The following NMT2 variants were observed in gnomAD, a reference collection of about 807,000 sequenced individuals.
The protein encoded by NMT2 is N-myristoyltransferase 2, also known as glycylpeptide N-tetradecanoyltransferase 2.
A neutral mutation model predicts 65.4 loss-of-function variants in NMT2; 35 were observed. The ratio of observed to expected loss-of-function variants is 0.54; its 90% CI spans 0.41 to 0.71. The LOEUF (loss-of-function observed/expected upper bound fraction) is 0.71. Ranked by LOEUF, NMT2 falls within the 30% of genes least tolerant of loss-of-function variation. The pLI, the probability that NMT2 is intolerant of heterozygous loss-of-function variation, is 0.00. For missense variants in NMT2, 489 were observed against 611.3 expected (o/e 0.80, Z 2.11); for synonymous variants, 226 against 231.8 (o/e 0.98, Z 0.23).
intron 1 of NMT2, among the ~76,000 whole-genome samples, chr10:15,162,731 A>G (rs1175539036): frequency 6.7e-6 from 1 of 149,930 alleles, no homozygotes; most frequent in Non-Finnish European, 1.5e-5. Flanking sequence ...ACTCTACCTT[A>G]TATACCTTAT....
chr10:15,145,402 CAG>C (rs1846927751), intron 1 of NMT2, among the ~76,000 whole-genome samples: 1 of 152,142 alleles, frequency 6.6e-6, no homozygotes, highest in South Asian at 2.1e-4. Context: ...GTATTTGAGA[CAG>C]AGTCTCACTT....
chr10:15,158,641 G>C (rs1360155820), intron 1 of NMT2, among the ~76,000 whole-genome samples: 23 of 152,224 alleles, frequency 1.5e-4, no homozygotes, highest in Admixed American at 1.5e-3. Flanking sequence ...CAATCTACCT[G>C]TGAGTAGACA....
At position 15,107,599 on chromosome 10, in the gene NMT2, C is replaced by G. The variant is rs941967694; in HGVS notation, c.*1596G>C. On this transcript the variant is annotated 3_prime_UTR_variant, in exon 12 of 12. Transcript: ENST00000378165. Reference sequence around the variant, plus strand: ...TCCTAGCAGCTGGGATTACAGGCACCCGCCACCACACCCAGCTAGTTCTTT... The same window carrying G: ...TCCTAGCAGCTGGGATTACAGGCACGCGCCACCACACCCAGCTAGTTCTTT... 2.4e-6 allele frequency: 1 copy of G among 418,750 alleles called. No individual in the cohort carries two copies. Among genetic ancestry groups the G allele is most frequent in the African/African-American group, 2.2e-5 (1 of 46,084 alleles). 25.9% of individuals were successfully genotyped at this position (418,750 alleles called of 1,614,324 possible).
chr10:15,112,216 A>T (rs11259492), intron 10 of NMT2, among the ~76,000 whole-genome samples: 69 of 12,248 alleles, frequency 5.6e-3, no homozygotes, highest in South Asian at 0.016. Flanking sequence ...ATATATATAT[A>T]TTTTTTTTTT....
intron 1 of NMT2, among the ~76,000 whole-genome samples, chr10:15,151,807 C>A (rs998139983): frequency 6.6e-6 from 1 of 151,578 alleles, no homozygotes; most frequent in African/African-American, 2.4e-5. Context: ...GGTGGATCAC[C>A]TAAGGTCAGG....
At chr10:15,165,159 A>G (rs1222425646) in intron 1 of NMT2, among the ~76,000 whole-genome samples, 1 of 146,368 alleles carries the variant, frequency 6.8e-6, no homozygotes, top group Admixed American at 6.7e-5. Context: ...GCAAAACTCC[A>G]TCTCAAAAAA....
intron 1 of NMT2, among the ~76,000 whole-genome samples, chr10:15,153,658 AT>A (rs1313853440): frequency 3.4e-5 from 5 of 149,002 alleles, no homozygotes; most frequent in Non-Finnish European, 3.0e-5. Context: ...ATTTTATTTT[AT>A]TTTTTTTTTG....
At chr10:15,115,515 G>T (rs1381673873) in intron 9 of NMT2, among the ~76,000 whole-genome samples, 1 of 151,960 alleles carries the variant, frequency 6.6e-6, no homozygotes, top group Non-Finnish European at 1.5e-5. Context: ...CCACAGCAAG[G>T]CAAGAAAAAA....
At chr10:15,161,800 T>A (rs1000120230) in intron 1 of NMT2, among the ~76,000 whole-genome samples, 2 of 152,072 alleles carry the variant, frequency 1.3e-5, no homozygotes, top group African/African-American at 4.8e-5. Context: ...AGGGCAAAAA[T>A]AAAAGAATTA....
At chr10:15,159,261 G>C (rs1200760225) in intron 1 of NMT2, among the ~76,000 whole-genome samples, 4 of 152,174 alleles carry the variant, frequency 2.6e-5, no homozygotes, top group African/African-American at 7.2e-5. Flanking sequence ...CAGAGACTGA[G>C]ACAGAAAGGG....
In NMT2 at chr10:15,105,925, CTT is replaced by C. The variant is rs1164721220; in HGVS notation, c.*3268_*3269del. ...TTGATAACAAATTATGTAAATGACT[CTT>C]TAAAGGAGCAGTGTAACTGTCACCG... On this transcript the variant is annotated 3_prime_UTR_variant, in exon 12 of 12. Transcript: ENST00000378165. 11 of 296,714 alleles carry C rather than the reference CTT, an allele frequency of 3.7e-5. No homozygotes were observed. The East Asian group carries it at 1.6e-3, about 44-fold the overall frequency. 18.4% of individuals were successfully genotyped at this position (296,714 alleles called of 1,614,324 possible). A position where few individuals can be genotyped will look rare whatever the true frequency, so the allele number is the denominator to read the frequency against.
rs896089098 is a variant in NMT2, at chr10:15,107,950, T to C, written c.*1245A>G. ...ACAAATAAGACATTTTCCATTAGCA[T>C]GACACATGACAGTTTTCATGATAAA... On this transcript the variant is annotated 3_prime_UTR_variant, in exon 12 of 12. Coordinates refer to ENST00000378165, the MANE Select transcript of NMT2 (RefSeq NM_004808.3). 1.7e-5 allele frequency: 17 copies of C among 985,474 alleles called. No individual in the cohort carries two copies. In the African/African-American group the frequency reaches 2.8e-4, roughly 16 times the overall value. 61.0% of individuals were successfully genotyped at this position (985,474 alleles called of 1,614,324 possible).
chr10:15,110,427 C>T (rs1393666352), intron 10 of NMT2, among the ~76,000 whole-genome samples: 2 of 152,152 alleles, frequency 1.3e-5, no homozygotes, highest in African/African-American at 2.4e-5. Flanking sequence ...CCAGCCTGGG[C>T]ATAGGCTGTA....
At chr10:15,131,626 CA>C (rs557341855) in intron 6 of NMT2, among the ~76,000 whole-genome samples, 113 of 152,310 alleles carry the variant, frequency 7.4e-4, no homozygotes, top group African/African-American at 2.5e-3. Context: ...CCTAGATCTT[CA>C]AATCCTGTTC....
At chr10:15,128,569 C>A in intron 7 of NMT2, 111 bp from the exon 8 acceptor site, 1 of 676,948 alleles carries the variant, frequency 1.5e-6, no homozygotes, top group South Asian at 1.7e-5. Context: ...TTACGTTGTA[C>A]TAGACAGAGG....
chr10:15,128,291 T>C, intron 8 of NMT2, 59 bp downstream of exon 8: 1 of 950,744 alleles, frequency 1.1e-6, no homozygotes, highest in South Asian at 1.3e-5. Context: ...ATAATTCTTT[T>C]CTGCATTAAA....
intron 1 of NMT2, among the ~76,000 whole-genome samples, chr10:15,142,253 A>G (rs955950254): frequency 3.9e-5 from 6 of 152,228 alleles, no homozygotes; most frequent in African/African-American, 1.4e-4. Context: ...TAGTGAGAGA[A>G]ACTGTTTAAG....
At chr10:15,112,410 G>T (rs1369605187) in intron 10 of NMT2, among the ~76,000 whole-genome samples, 1 of 149,816 alleles carries the variant, frequency 6.7e-6, no homozygotes, top group Non-Finnish European at 1.5e-5. Flanking sequence ...TGTATTTTTA[G>T]TAGAGACGAG....
Position 15,112,795 on chromosome 10 carries a change from C to A in NMT2, c.1338+1G>T, listed in dbSNP as rs1346258574. On this transcript the variant is annotated splice_donor_variant, in intron 10 of 11. Coordinates refer to ENST00000378165, the MANE Select transcript of NMT2 (RefSeq NM_004808.3). LOFTEE classifies it high-confidence loss of function. ...GGCGTGAACAGGAAGGAGTGGCTTACCGATTTAGCCAGGATGAGCGCGTCG... is the reference window on the plus strand; with the variant it reads ...GGCGTGAACAGGAAGGAGTGGCTTAACGATTTAGCCAGGATGAGCGCGTCG... 2 of 1,607,078 alleles carry A rather than the reference C, an allele frequency of 1.2e-6. No homozygotes were observed. Among genetic ancestry groups the A allele is most frequent in the South Asian group, 2.2e-5 (2 of 90,442 alleles).
Sources: allele counts gnomAD v4.1 joint callset (sites outside exome capture counted in the v4.1 genomes callset), GRCh38; gene constraint gnomAD v4.1.1; transcripts MANE v1.5; gene names NCBI Gene and HGNC (gene_info 2026-07-23, HGNC 2026-07-21).